CACNA1D: variants seen among roughly 807,000 people sequenced by gnomAD.
The protein encoded by CACNA1D is voltage-dependent L-type calcium channel subunit alpha-1D.
CACNA1D carries 55 observed loss-of-function variants against 257.1 expected under a neutral mutation model. The ratio of observed to expected loss-of-function variants is 0.21; its 90% CI spans 0.17 to 0.27. The LOEUF is 0.27. Among genes scored for constraint, CACNA1D ranks in the 10% least tolerant of loss-of-function variants. The probability of loss-of-function intolerance (pLI) is 1.00; values close to 1 mark genes in which losing one functional copy is unlikely to be tolerated. For missense variants in CACNA1D, 1,876 were observed against 2,784.0 expected, an observed-to-expected ratio of 0.67 and a Z score of 7.34; for synonymous variants, 980 against 1,014.9, an observed-to-expected ratio of 0.97 and a Z score of 0.65.
At chr3:53,540,016 G>A (rs558807549) in intron 3 of CACNA1D, among the ~76,000 whole-genome samples, 10 of 150,450 alleles carry the variant, frequency 6.6e-5, no homozygotes, top group Admixed American at 2.0e-4. Flanking sequence ...GGTGTGTTGC[G>A]AATTTCTTCT....
chr3:53,739,052 G>A (rs3774554), intron 20 of CACNA1D, among the ~76,000 whole-genome samples: 116,974 of 152,136 alleles, frequency 0.77, 45,794 homozygotes, highest in East Asian at 0.89. Flanking sequence ...AGTTTGGAAA[G>A]TGAATACCCT....
At chr3:53,688,507 G>A (rs1453492055) in intron 8 of CACNA1D, among the ~76,000 whole-genome samples, 1 of 152,208 alleles carries the variant, frequency 6.6e-6, no homozygotes, top group Non-Finnish European at 1.5e-5. Flanking sequence ...TGGATGGGAA[G>A]GGCCTGGATA....
intron 8 of CACNA1D, among the ~76,000 whole-genome samples, chr3:53,692,782 G>T (rs1028930778): frequency 1.3e-5 from 2 of 152,230 alleles, no homozygotes; most frequent in Non-Finnish European, 1.5e-5. Flanking sequence ...CCCTGGCTGG[G>T]CACAGTGGCT....
Position 53,665,508 on chromosome 3 carries a change from T to C in CACNA1D, c.767-152T>C, listed in dbSNP as rs1351242054. On this transcript the variant is annotated intron_variant, in intron 5 of 47. Coordinates refer to ENST00000350061, the MANE Select transcript of CACNA1D (RefSeq NM_001128840.3). ...AGGTTCCTTTTCAGTCTATCTCACATCCAGGCTTAATATTAATGAAAAGCT... is the reference window on the plus strand; with the variant it reads ...AGGTTCCTTTTCAGTCTATCTCACACCCAGGCTTAATATTAATGAAAAGCT... The C allele has an allele frequency of 6.1e-6, 4 of 658,230 alleles. No individual in the cohort carries two copies. The African/African-American group carries it at 7.3e-5, about 12-fold the overall frequency. 40.8% of individuals were successfully genotyped at this position (658,230 alleles called of 1,614,324 possible). A position where few individuals can be genotyped will look rare whatever the true frequency, so the allele number is the denominator to read the frequency against.
At chr3:53,510,191 A>G (rs955485213) in intron 3 of CACNA1D, among the ~76,000 whole-genome samples, 9 of 152,244 alleles carry the variant, frequency 5.9e-5, no homozygotes, top group African/African-American at 2.2e-4. Context: ...AACTCCTTCT[A>G]ATTACAATGA....
chr3:53,593,358 G>A (rs2093331739), intron 3 of CACNA1D, among the ~76,000 whole-genome samples: 1 of 152,188 alleles, frequency 6.6e-6, no homozygotes, highest in African/African-American at 2.4e-5. Context: ...AGTTTCTTGA[G>A]TTTCTTCCCT....
At chr3:53,806,669 CA>C (rs1385950375) in intron 45 of CACNA1D, among the ~76,000 whole-genome samples, 1 of 152,216 alleles carries the variant, frequency 6.6e-6, no homozygotes, top group Non-Finnish European at 1.5e-5. Flanking sequence ...CTGCCAACTG[CA>C]TATACTATAA....
rs1387196945 is a variant in CACNA1D, at chr3:53,546,817, C to T, written c.483+45097C>T. On this transcript the variant is annotated intron_variant, in intron 3 of 47. Transcript: ENST00000350061. The stretch of plus-strand genomic sequence containing the variant: ...GGCAAGAGACTCGACTCTCCTGAAT[C>T]TCAGTGTTTTTACTTTTACCATGGG... Among the ~76,000 whole-genome samples, 3 of 152,208 alleles carry T rather than the reference C, an allele frequency of 2.0e-5. No individual in the cohort carries two copies. The South Asian group carries it at 6.2e-4, about 31-fold the overall frequency.
In CACNA1D at chr3:53,723,247, AC is replaced by A. The variant is rs2094899346; in HGVS notation, c.1667-185del. Among the ~76,000 whole-genome samples the A allele has an allele frequency of 6.6e-6, 1 of 152,148 alleles. No individual in the cohort carries two copies. The highest frequency in any genetic ancestry group is 1.5e-5 in the Non-Finnish European group (1 of 68,038). On this transcript the variant is annotated intron_variant, in intron 12 of 47. Transcript: ENST00000350061. This position sits in a 1 kb window ranked among gnomAD's most constrained non-coding sequence, Gnocchi z 5.6. ...ACACATAGCTAGTAGCAGAAGCAGG[AC>A]CAGAACCTGGTGGACAGACTGTCCA...
chr3:53,512,592 C>T (rs545450120), intron 3 of CACNA1D, among the ~76,000 whole-genome samples: 22 of 152,228 alleles, frequency 1.4e-4, no homozygotes, highest in Admixed American at 3.3e-4. Flanking sequence ...AGAGACGAAC[C>T]GCATGGGGAT....
At chr3:53,683,858 A>G (rs988940564) in intron 8 of CACNA1D, among the ~76,000 whole-genome samples, 1 of 152,200 alleles carries the variant, frequency 6.6e-6, no homozygotes, top group Non-Finnish European at 1.5e-5. Context: ...GAGATTGAGG[A>G]AGAAAAATTT....
intron 38 of CACNA1D, 49 bp downstream of exon 38, chr3:53,780,177 A>G (rs765681654): frequency 1.7e-5 from 23 of 1,365,134 alleles, no homozygotes; most frequent in Non-Finnish European, 2.4e-5. Flanking sequence ...GGAGAGAGAC[A>G]TCACATCCCA....
rs531453909 is a variant in CACNA1D, at chr3:53,684,142, A to G, written c.1220+11016A>G. Among the ~76,000 whole-genome samples, 11 of 152,334 alleles carry G rather than the reference A, an allele frequency of 7.2e-5. No individual in the cohort carries two copies. The East Asian group carries it at 1.9e-3, about 27-fold the overall frequency. ...CAATGGGTGACATCTTCAAAGAGGT[A>G]AAAGGAAAAACGATTCTGTATGAAG... On this transcript the variant is annotated intron_variant, in intron 8 of 47. Transcript: ENST00000350061.
Position 53,767,842 on chromosome 3 carries a change from G to C in CACNA1D, c.3871-2131G>C, listed in dbSNP as rs377596708. Among the ~76,000 whole-genome samples, 40 of 152,282 alleles carry C rather than the reference G, an allele frequency of 2.6e-4. No homozygotes were observed. In the East Asian group the frequency reaches 4.4e-3, roughly 17 times the overall value. ...GGGGCTGCCAGTCACATCCTCCCCT[G>C]AAGCAGCCCCCCATGCCCAGTGGTG... On this transcript the variant is annotated intron_variant, in intron 30 of 47. Coordinates refer to ENST00000350061, the MANE Select transcript of CACNA1D (RefSeq NM_001128840.3).
intron 9 of CACNA1D, among the ~76,000 whole-genome samples, chr3:53,716,505 G>A (rs1371587859): frequency 6.6e-6 from 1 of 152,008 alleles, no homozygotes; most frequent in African/African-American, 2.4e-5. Context: ...CTTCTTGTGT[G>A]TCTGTGTGTG....
intron 3 of CACNA1D, among the ~76,000 whole-genome samples, chr3:53,545,284 T>C (rs1192693298): frequency 6.6e-6 from 1 of 152,218 alleles, no homozygotes; most frequent in African/African-American, 2.4e-5. Context: ...ACAACAGTAA[T>C]GGGCCGATGA....
intron 3 of CACNA1D, among the ~76,000 whole-genome samples, chr3:53,620,264 G>C (rs904175250): frequency 6.6e-6 from 1 of 152,050 alleles, no homozygotes; most frequent in Admixed American, 6.5e-5. Context: ...AATTTCTACC[G>C]TTAGAACCCA....
At chr3:53,541,580 C>T (rs769080354) in intron 3 of CACNA1D, among the ~76,000 whole-genome samples, 1 of 152,170 alleles carries the variant, frequency 6.6e-6, no homozygotes, top group Non-Finnish European at 1.5e-5. Flanking sequence ...GAGTCATCCT[C>T]CTCCCCAAAT....
intron 3 of CACNA1D, among the ~76,000 whole-genome samples, chr3:53,576,930 C>T (rs2093048342): frequency 6.6e-6 from 1 of 152,180 alleles, no homozygotes; most frequent in Non-Finnish European, 1.5e-5. Context: ...ATCATGTTAC[C>T]AGTCAGTTCT....
Sources: allele counts gnomAD v4.1 joint callset (sites outside exome capture counted in the v4.1 genomes callset), GRCh38; gene constraint gnomAD v4.1.1; non-coding constraint Gnocchi (gnomAD v3.1); transcripts MANE v1.5; gene names NCBI Gene and HGNC (gene_info 2026-07-23, HGNC 2026-07-21).